CDYL2: variants seen among roughly 807,000 people sequenced by gnomAD.
The protein encoded by CDYL2 is chromodomain Y like 2, also known as chromodomain Y-like protein 2.
In CDYL2, 23 loss-of-function variants were observed where a neutral mutation model predicts 49.4. The ratio of observed to expected loss-of-function variants is 0.47; its 90% CI spans 0.34 to 0.66. The LOEUF (loss-of-function observed/expected upper bound fraction) is 0.66, where lower values mean the gene tolerates loss of function less well. Ranked by LOEUF, CDYL2 falls within the 30% of genes least tolerant of loss-of-function variation. The pLI, the probability that CDYL2 is intolerant of heterozygous loss-of-function variation, is 0.01. For missense variants in CDYL2, 678 were observed against 656.4 expected, an observed-to-expected ratio of 1.03 and a Z score of -0.36; for synonymous variants, 360 against 268.8, an observed-to-expected ratio of 1.34 and a Z score of -3.32.
intron 2 of CDYL2, among the ~76,000 whole-genome samples, chr16:80,638,135 T>C (rs545069254): frequency 3.3e-5 from 5 of 152,256 alleles, no homozygotes; most frequent in East Asian, 1.9e-4. Context: ...AGTACAGTGC[T>C]GCTATCACAG....
intron 1 of CDYL2, among the ~76,000 whole-genome samples, chr16:80,739,656 T>A (rs1005028709): frequency 6.6e-6 from 1 of 152,044 alleles, no homozygotes; most frequent in Non-Finnish European, 1.5e-5. Context: ...TGCTCTGCCA[T>A]CCACACCGCC....
At chr16:80,751,406 C>T (rs1289774423) in intron 1 of CDYL2, among the ~76,000 whole-genome samples, 1 of 152,142 alleles carries the variant, frequency 6.6e-6, no homozygotes, top group African/African-American at 2.4e-5. Context: ...AGCTCTTGAG[C>T]AGTATAGGGG....
chr16:80,723,843 A>T (rs1905080266), intron 1 of CDYL2, among the ~76,000 whole-genome samples: 1 of 151,910 alleles, frequency 6.6e-6, no homozygotes, highest in Non-Finnish European at 1.5e-5. Context: ...GAAGAAACAG[A>T]GGAGAGTGAG....
At chr16:80,761,082 G>A (rs1327644967) in intron 1 of CDYL2, among the ~76,000 whole-genome samples, 1 of 152,188 alleles carries the variant, frequency 6.6e-6, no homozygotes, top group Admixed American at 6.5e-5. Flanking sequence ...CCACAAAGGA[G>A]AGAGGGTACA....
At chr16:80,745,873 G>A (rs1905911208) in intron 1 of CDYL2, among the ~76,000 whole-genome samples, 1 of 152,104 alleles carries the variant, frequency 6.6e-6, no homozygotes, top group Non-Finnish European at 1.5e-5. Flanking sequence ...GACAGGGAAG[G>A]GCAGGGGGTA....
chr16:80,741,623 A>T (rs1409747245), intron 1 of CDYL2, among the ~76,000 whole-genome samples: 1 of 152,210 alleles, frequency 6.6e-6, no homozygotes, highest in Non-Finnish European at 1.5e-5. Flanking sequence ...ATGATATCTA[A>T]ATAAAATAAA....
intron 1 of CDYL2, among the ~76,000 whole-genome samples, chr16:80,715,648 C>T (rs1406653433): frequency 3.3e-5 from 5 of 152,032 alleles, no homozygotes; most frequent in African/African-American, 1.2e-4. Flanking sequence ...CTGATTGTGT[C>T]CCCAACTCCC....
At position 80,651,891 on chromosome 16, in the gene CDYL2, T is replaced by C. The variant is rs186774044; in HGVS notation, c.617-18655A>G. ...AATGATTAAGTAAATGGATTGCAGA[T>C]GGTGGGACTTAGGTTTTCACTGTGG... On this transcript the variant is annotated intron_variant, in intron 2 of 6. Coordinates refer to ENST00000570137, the MANE Select transcript of CDYL2 (RefSeq NM_152342.4). Among the ~76,000 whole-genome samples the C allele has an allele frequency of 1.1e-4, 17 of 152,334 alleles. No individual in the cohort carries two copies. In the East Asian group the frequency reaches 2.9e-3, roughly 26 times the overall value.
intron 1 of CDYL2, among the ~76,000 whole-genome samples, chr16:80,691,368 T>C (rs73593022): frequency 8.9e-4 from 135 of 152,326 alleles, no homozygotes; most frequent in African/African-American, 3.0e-3. Flanking sequence ...CTTCAGCTAA[T>C]CTAGCCAGAG....
At chr16:80,720,975 G>C (rs1904978807) in intron 1 of CDYL2, among the ~76,000 whole-genome samples, 1 of 152,160 alleles carries the variant, frequency 6.6e-6, no homozygotes, top group South Asian at 2.1e-4. Context: ...TTCATTATAA[G>C]GAAGTGGCTA....
intron 2 of CDYL2, among the ~76,000 whole-genome samples, chr16:80,681,442 G>A (rs1442297993): frequency 2.0e-5 from 3 of 152,146 alleles, no homozygotes; most frequent in South Asian, 2.1e-4. Context: ...AACACACATG[G>A]AAACACGTTT....
chr16:80,660,699 A>T (rs1258137442), intron 2 of CDYL2, among the ~76,000 whole-genome samples: 1 of 152,214 alleles, frequency 6.6e-6, no homozygotes, highest in African/African-American at 2.4e-5. Flanking sequence ...TGGATAAAAT[A>T]ATAAAGATGT....
intron 4 of CDYL2, among the ~76,000 whole-genome samples, chr16:80,614,408 G>A (rs1906734350): frequency 6.6e-6 from 1 of 152,200 alleles, no homozygotes; most frequent in Admixed American, 6.5e-5. Context: ...CAGCAGTCTT[G>A]GAAGACATTT....
chr16:80,674,307 C>T (rs1909652139), intron 2 of CDYL2, among the ~76,000 whole-genome samples: 1 of 152,052 alleles, frequency 6.6e-6, no homozygotes, highest in South Asian at 2.1e-4. Flanking sequence ...TGGGGGCTGT[C>T]GAGGAAATTC....
At chr16:80,758,671 T>A (rs1906402421) in intron 1 of CDYL2, among the ~76,000 whole-genome samples, 1 of 151,444 alleles carries the variant, frequency 6.6e-6, no homozygotes, top group Non-Finnish European at 1.5e-5. Context: ...GCCTCCCGAG[T>A]AGCTGGGACT....
At chr16:80,754,376 G>A (rs535078426) in intron 1 of CDYL2, among the ~76,000 whole-genome samples, 50 of 152,296 alleles carry the variant, frequency 3.3e-4, no homozygotes, top group African/African-American at 1.2e-3. Flanking sequence ...GGAACAAACA[G>A]AGATTAAGCC....
intron 1 of CDYL2, among the ~76,000 whole-genome samples, chr16:80,688,951 G>A (rs1198020302): frequency 6.6e-6 from 1 of 152,128 alleles, no homozygotes; most frequent in African/African-American, 2.4e-5. Context: ...CCCTGGTCCT[G>A]GCAGCTCTGT....
chr16:80,709,027 CCAGT>C (rs1260224477), intron 1 of CDYL2, among the ~76,000 whole-genome samples: 3 of 152,298 alleles, frequency 2.0e-5, no homozygotes, highest in Admixed American at 6.5e-5. Context: ...GCGTAAGGCG[CCAGT>C]CAGACAAGAA....
intron 2 of CDYL2, among the ~76,000 whole-genome samples, chr16:80,644,505 A>G (rs1213079687): frequency 4.6e-5 from 7 of 152,200 alleles, no homozygotes. Flanking sequence ...CACTGGGTAG[A>G]CTGGGGAACA....
Sources: allele counts gnomAD v4.1 joint callset (sites outside exome capture counted in the v4.1 genomes callset), GRCh38; gene constraint gnomAD v4.1.1; transcripts MANE v1.5; gene names NCBI Gene and HGNC (gene_info 2026-07-23, HGNC 2026-07-21).